The following UBE3A variants were observed in gnomAD, a reference collection of about 807,000 sequenced individuals.
UBE3A encodes the protein ubiquitin-protein ligase E3A.
Under a neutral mutation model 83.4 loss-of-function variants are expected in UBE3A, and 6 were observed. The ratio of observed to expected loss-of-function variants is 0.07; its 90% CI spans 0.04 to 0.14. The LOEUF (loss-of-function observed/expected upper bound fraction) is 0.14, where lower values mean the gene tolerates loss of function less well. Among genes scored for constraint, UBE3A ranks in the 10% least tolerant of loss-of-function variants. UBE3A has a pLI of 1.00. For synonymous variants in UBE3A, 337 were observed against 355.4 expected (o/e 0.95, Z 0.58); for missense variants, 456 against 1,036.1 (o/e 0.44, Z 7.69).
chr15:25,438,427 A>G lies in UBE3A; in HGVS notation c.-165+62T>C, dbSNP rs543342886. On this transcript the variant is annotated intron_variant, in intron 1 of 12. Transcript: ENST00000648336. ...GTCGACCTCGCCACAGCGGGCCCCGAAGGCCGGCCGAGTGACGGAGGGGAG... is the reference window on the plus strand; with the variant it reads ...GTCGACCTCGCCACAGCGGGCCCCGGAGGCCGGCCGAGTGACGGAGGGGAG... 827 of 152,358 alleles carry G rather than the reference A, an allele frequency of 5.4e-3. 16 individuals are homozygous for G. Among genetic ancestry groups the G allele is most frequent in the Admixed American group, 0.038 (588 of 15,304 alleles). 9.4% of individuals were successfully genotyped at this position (152,358 alleles called of 1,614,324 possible).
At chr15:25,430,757 C>T (rs1402844899) in intron 1 of UBE3A, among the ~76,000 whole-genome samples, 4 of 152,134 alleles carry the variant, frequency 2.6e-5, no homozygotes, top group Non-Finnish European at 4.4e-5. Flanking sequence ...TTACTGTTTT[C>T]TTATAATCTT....
chr15:25,395,089 G>A (rs888008298), intron 4 of UBE3A, among the ~76,000 whole-genome samples: 2 of 152,168 alleles, frequency 1.3e-5, no homozygotes, highest in Non-Finnish European at 1.5e-5. Flanking sequence ...AAGCCACATG[G>A]ATTATCACAG....
intron 2 of UBE3A, among the ~76,000 whole-genome samples, chr15:25,410,765 GAAAT>G (rs1437153418): frequency 6.6e-6 from 1 of 152,134 alleles, no homozygotes; most frequent in East Asian, 1.9e-4. Flanking sequence ...GTATCTGTAA[GAAAT>G]AACGCAATCT....
intron 4 of UBE3A, among the ~76,000 whole-genome samples, chr15:25,400,805 T>G (rs1027139514): frequency 6.6e-6 from 1 of 152,216 alleles, no homozygotes; most frequent in African/African-American, 2.4e-5. Context: ...TTCTCTTGCC[T>G]AATTGCTCTT....
chr15:25,385,915 A>G (rs2152925760), intron 4 of UBE3A, among the ~76,000 whole-genome samples: 1 of 152,304 alleles, frequency 6.6e-6, no homozygotes, highest in East Asian at 1.9e-4. Flanking sequence ...AGCTTCTCAC[A>G]GTAAATATAG....
At chr15:25,428,365 G>C (rs1365290497) in intron 1 of UBE3A, among the ~76,000 whole-genome samples, 1 of 151,992 alleles carries the variant, frequency 6.6e-6, no homozygotes, top group Non-Finnish European at 1.5e-5. Context: ...ACTATTAGCA[G>C]ACAATATAAA....
intron 4 of UBE3A, among the ~76,000 whole-genome samples, chr15:25,386,922 A>G (rs145357886): frequency 6.2e-4 from 94 of 152,332 alleles, no homozygotes; most frequent in African/African-American, 2.1e-3. Flanking sequence ...CTGCCTTGCA[A>G]TAAGTGTTGG....
chr15:25,354,704 A>G, intron 9 of UBE3A, 21 bp from the exon 10 acceptor site: 2 of 1,604,760 alleles, frequency 1.2e-6, no homozygotes, highest in South Asian at 2.2e-5. Flanking sequence ...CATTAATCAC[A>G]AGAACTTCTT....
chr15:25,389,276 T>C (rs573679064), intron 4 of UBE3A, among the ~76,000 whole-genome samples: 4 of 141,292 alleles, frequency 2.8e-5, no homozygotes. Context: ...AAAAAAAGAG[T>C]CTAGACACAG....
At chr15:25,345,566 T>TCACACACACACACACACACACACACACA (rs57252199) in intron 11 of UBE3A, 1 of 148,288 alleles carries the variant, frequency 6.7e-6, no homozygotes, top group African/African-American at 2.5e-5. Flanking sequence ...CTCATTTCAC[T>TCACACACACACACACACACACACACACA]CACACACACA....
intron 4 of UBE3A, among the ~76,000 whole-genome samples, chr15:25,385,792 G>A (rs2083017393): frequency 1.3e-5 from 2 of 152,002 alleles, no homozygotes; most frequent in Non-Finnish European, 2.9e-5. Flanking sequence ...AAGTGTAATA[G>A]ACAAATTGAT....
intron 11 of UBE3A, among the ~76,000 whole-genome samples, chr15:25,353,345 C>T (rs150029672): frequency 5.3e-5 from 8 of 152,268 alleles, no homozygotes; most frequent in African/African-American, 1.9e-4. Context: ...TAACATACAG[C>T]CATCCCTTGG....
At chr15:25,357,021 C>T in intron 7 of UBE3A, 125 bp from the exon 8 acceptor site, 1 of 790,384 alleles carries the variant, frequency 1.3e-6, no homozygotes, top group South Asian at 1.9e-5. Context: ...ATTAGGCATG[C>T]AACATTGATT....
At chr15:25,381,878 A>C (rs2082229456) in intron 4 of UBE3A, among the ~76,000 whole-genome samples, 1 of 152,266 alleles carries the variant, frequency 6.6e-6, no homozygotes, top group South Asian at 2.1e-4. Flanking sequence ...GATTATTTCA[A>C]GACTAAACCT....
chr15:25,426,258 C>T (rs2153168447), intron 1 of UBE3A, among the ~76,000 whole-genome samples: 1 of 152,230 alleles, frequency 6.6e-6, no homozygotes, highest in South Asian at 2.1e-4. Flanking sequence ...CTTTAATTTC[C>T]TGGCTTTTAA....
intron 1 of UBE3A, chr15:25,413,155 C>T (rs1268605174): frequency 2.9e-6 from 1 of 342,208 alleles, no homozygotes; most frequent in Non-Finnish European, 5.7e-6. Flanking sequence ...CACTCACTTG[C>T]CAATTTAACC....
At chr15:25,390,691 T>C (rs985236923) in intron 4 of UBE3A, among the ~76,000 whole-genome samples, 15 of 152,114 alleles carry the variant, frequency 9.9e-5, no homozygotes, top group African/African-American at 3.6e-4. Context: ...TTCTGTATGA[T>C]ATAATGGTAG....
chr15:25,338,475 G>A lies in UBE3A; in HGVS notation c.*662C>T, dbSNP rs1476806758. The stretch of plus-strand genomic sequence containing the variant: ...TGTTGTGCTGTTACTAAAGTTCTGA[G>A]GGCTGCAGTTAAAACATTCCAATTT... On this transcript the variant is annotated 3_prime_UTR_variant, in exon 13 of 13. Transcript: ENST00000648336. 1 of 152,008 alleles carries A rather than the reference G, an allele frequency of 6.6e-6. No individual in the cohort carries two copies. The highest frequency in any genetic ancestry group is 1.5e-5 in the Non-Finnish European group (1 of 67,964). 9.4% of individuals were successfully genotyped at this position (152,008 alleles called of 1,614,324 possible).
At chr15:25,430,061 TA>T (rs1216860260) in intron 1 of UBE3A, among the ~76,000 whole-genome samples, 5 of 97,874 alleles carry the variant, frequency 5.1e-5, no homozygotes, top group African/African-American at 2.7e-4. Context: ...TTATATGTAT[TA>T]TATATATATA....
Sources: allele counts gnomAD v4.1 joint callset (sites outside exome capture counted in the v4.1 genomes callset), GRCh38; gene constraint gnomAD v4.1.1; transcripts MANE v1.5; gene names NCBI Gene and HGNC (gene_info 2026-07-23, HGNC 2026-07-21).